The following SLC4A4 variants were observed in gnomAD, a reference collection of about 807,000 sequenced individuals.
SLC4A4 encodes solute carrier family 4 member 4, also known as electrogenic sodium bicarbonate cotransporter 1.
A neutral mutation model predicts 111.5 loss-of-function variants in SLC4A4; 27 were observed. The observed-to-expected ratio is 0.24, with a 90% CI of 0.18 to 0.33. The LOEUF is 0.33. Ranked by LOEUF, SLC4A4 falls within the 10% of genes least tolerant of loss-of-function variation. SLC4A4 has a pLI of 1.00. For missense variants in SLC4A4, 909 were observed against 1,315.5 expected (o/e 0.69, Z 4.78); for synonymous variants, 443 against 463.4 (o/e 0.96, Z 0.57).
chr4:71,560,170 C>G lies in SLC4A4; in HGVS notation c.3015C>G (p.Val1005=). 6.2e-7 allele frequency: 1 copy of G among 1,610,850 alleles called. No homozygotes were observed. Among genetic ancestry groups the G allele is most frequent in the Non-Finnish European group, 8.5e-7 (1 of 1,177,888 alleles). ...ACGACCTCAGCTTCCTGGATGATGT[C>G]ATTCCAGAAAAGGACAAGAAAAAGA... The part of the protein sequence containing the change: ...SQHDLSFLDD[V]IPEKDKKKKE... Residue 1005 remains valine (V), a synonymous_variant, in exon 23 of 26, where the codon GTC becomes GTG. Coordinates refer to ENST00000264485, the MANE Select transcript of SLC4A4 (RefSeq NM_001098484.3).
intron 1 of SLC4A4, among the ~76,000 whole-genome samples, chr4:71,203,339 TG>T (rs1746340780): frequency 1.3e-5 from 2 of 152,156 alleles, no homozygotes; most frequent in South Asian, 4.1e-4. Flanking sequence ...CCTGAAATTA[TG>T]ACATTGGTAT....
intron 7 of SLC4A4, among the ~76,000 whole-genome samples, chr4:71,431,426 G>A (rs191530784): frequency 6.6e-6 from 1 of 152,178 alleles, no homozygotes; most frequent in Admixed American, 6.5e-5. Flanking sequence ...AAGGACCTGG[G>A]GCAAGTGTGC....
intron 6 of SLC4A4, among the ~76,000 whole-genome samples, chr4:71,391,549 A>C (rs910287955): frequency 4.6e-5 from 7 of 152,282 alleles, no homozygotes; most frequent in African/African-American, 1.4e-4. Context: ...ATTAATTTTT[A>C]TAGCAACAGT....
chr4:71,417,685 T>C (rs1194213444), intron 7 of SLC4A4, among the ~76,000 whole-genome samples: 2 of 152,358 alleles, frequency 1.3e-5, no homozygotes, highest in East Asian at 3.9e-4. Flanking sequence ...TACTATTAAA[T>C]ACTTTAAAAT....
intron 3 of SLC4A4, among the ~76,000 whole-genome samples, chr4:71,309,216 G>A (rs1300698973): frequency 1.3e-5 from 2 of 152,184 alleles, no homozygotes; most frequent in Non-Finnish European, 2.9e-5. Flanking sequence ...CCCAGTCAGG[G>A]GCTTATAAAT....
intron 24 of SLC4A4, 69 bp from the exon 25 acceptor site, chr4:71,566,935 G>T (rs1737526210): frequency 7.9e-7 from 1 of 1,262,376 alleles, no homozygotes; most frequent in South Asian, 1.2e-5. Flanking sequence ...CATCAATTTT[G>T]TGAAGATTTT....
At chr4:71,262,065 C>T (rs538540190) in intron 3 of SLC4A4, among the ~76,000 whole-genome samples, 31 of 152,182 alleles carry the variant, frequency 2.0e-4, no homozygotes, top group African/African-American at 7.2e-4. Context: ...CAGGTCACAT[C>T]CTGTGGTTTG....
intron 16 of SLC4A4, among the ~76,000 whole-genome samples, chr4:71,518,168 A>G (rs1249398854): frequency 6.6e-6 from 1 of 152,124 alleles, no homozygotes; most frequent in Non-Finnish European, 1.5e-5. Context: ...GCCTGAAGCC[A>G]AAGTGACTGG....
chr4:71,363,128 C>A (rs1292636260), intron 6 of SLC4A4, among the ~76,000 whole-genome samples: 2 of 152,092 alleles, frequency 1.3e-5, no homozygotes, highest in South Asian at 2.1e-4. Context: ...AACACACACA[C>A]CTTTAGGTAT....
At chr4:71,403,175 C>G (rs181820655) in intron 7 of SLC4A4, among the ~76,000 whole-genome samples, 1 of 152,192 alleles carries the variant, frequency 6.6e-6, no homozygotes, top group Non-Finnish European at 1.5e-5. Context: ...TGAACTCTAT[C>G]TCGTGTATTA....
chr4:71,314,903 G>A (rs1380655628), intron 3 of SLC4A4, among the ~76,000 whole-genome samples: 1 of 152,040 alleles, frequency 6.6e-6, no homozygotes, highest in Non-Finnish European at 1.5e-5. Flanking sequence ...CTGATGTTCA[G>A]CACATGTATC....
Position 71,255,352 on chromosome 4 carries a change from A to C in SLC4A4, c.206A>C (p.Asp69Ala), listed in dbSNP as rs779587819. ...RISENYSDKS[D>A]IENADESSSS... ...TCTGAGAACTACTCTGACAAATCAGATATTGAAAATGCTGATGAATCCAGC... is the reference window on the plus strand; with the variant it reads ...TCTGAGAACTACTCTGACAAATCAGCTATTGAAAATGCTGATGAATCCAGC... The change falls in exon 3 of 26, where the codon GAT becomes GCT. Residue 69 changes from aspartate to alanine, a missense_variant. Asp to Ala is a moderately radical substitution (Grantham distance 126, BLOSUM62 -2). Transcript: ENST00000264485. 4 of 1,613,620 alleles carry C rather than the reference A, an allele frequency of 2.5e-6. No homozygotes were observed. Among genetic ancestry groups the C allele is most frequent in the Non-Finnish European group, 3.4e-6 (4 of 1,179,624 alleles).
At chr4:71,492,315 G>A (rs1730004320) in intron 15 of SLC4A4, among the ~76,000 whole-genome samples, 1 of 151,802 alleles carries the variant, frequency 6.6e-6, no homozygotes, top group Non-Finnish European at 1.5e-5. Flanking sequence ...CCTTTAGGGA[G>A]GATACTGTGG....
chr4:71,329,263 A>C (rs1389636345), intron 3 of SLC4A4, among the ~76,000 whole-genome samples: 1 of 151,916 alleles, frequency 6.6e-6, no homozygotes, highest in South Asian at 2.1e-4. Context: ...TGATGCCTCT[A>C]GTTTTGTTCT....
intron 3 of SLC4A4, among the ~76,000 whole-genome samples, chr4:71,284,547 ATC>A (rs1723760234): frequency 6.6e-6 from 1 of 152,124 alleles, no homozygotes; most frequent in Non-Finnish European, 1.5e-5. Context: ...AAATTGTAAC[ATC>A]TCTTAGCTTT....
chr4:71,437,356 A>G (rs1017835028), intron 7 of SLC4A4: 3 of 336,962 alleles, frequency 8.9e-6, no homozygotes, highest in Admixed American at 6.7e-5. Flanking sequence ...ATAAGTTACA[A>G]TATCCAGTAA....
chr4:71,339,002 T>C, intron 3 of SLC4A4: 1 of 1,346,156 alleles, frequency 7.4e-7, no homozygotes, highest in Non-Finnish European at 9.7e-7. Context: ...AAAAAGTGAC[T>C]GGTTCAAGCT....
intron 1 of SLC4A4, among the ~76,000 whole-genome samples, chr4:71,195,004 T>C (rs973656071): frequency 6.6e-6 from 1 of 152,160 alleles, no homozygotes; most frequent in African/African-American, 2.4e-5. Flanking sequence ...GTTGTGACTA[T>C]TCAAAAAGTG....
chr4:71,394,118 C>T (rs370485757), intron 6 of SLC4A4, among the ~76,000 whole-genome samples: 12 of 152,136 alleles, frequency 7.9e-5, no homozygotes, highest in South Asian at 2.1e-4. Flanking sequence ...GATTTCATGA[C>T]GAAGAATCCA....
Sources: allele counts gnomAD v4.1 joint callset (sites outside exome capture counted in the v4.1 genomes callset), GRCh38; gene constraint gnomAD v4.1.1; transcripts MANE v1.5; gene names NCBI Gene and HGNC (gene_info 2026-07-23, HGNC 2026-07-21).